The following EPB41 variants were observed in gnomAD, a reference collection of about 807,000 sequenced individuals.
EPB41 encodes erythrocyte membrane protein band 4.1, also known as protein 4.1.
A neutral mutation model predicts 108.0 loss-of-function variants in EPB41; 65 were observed. The ratio of observed to expected loss-of-function variants is 0.60; its 90% CI spans 0.49 to 0.74. The LOEUF (loss-of-function observed/expected upper bound fraction) is 0.74. Among genes scored for constraint, EPB41 ranks in the 30% least tolerant of loss-of-function variants. The pLI, the probability that EPB41 is intolerant of heterozygous loss-of-function variation, is 0.00. For missense variants in EPB41, 875 were observed against 1,037.0 expected (o/e 0.84, Z 2.15); for synonymous variants, 336 against 358.9 (o/e 0.94, Z 0.72).
At chr1:28,945,233 T>G (rs187048453) in intron 1 of EPB41, among the ~76,000 whole-genome samples, 2 of 152,274 alleles carry the variant, frequency 1.3e-5, no homozygotes, top group Non-Finnish European at 2.9e-5. Context: ...TCCAGTGAAG[T>G]CTCTGTTGTT....
intron 1 of EPB41, among the ~76,000 whole-genome samples, chr1:28,930,728 G>A (rs1372916421): frequency 3.3e-5 from 5 of 149,382 alleles, no homozygotes; most frequent in African/African-American, 1.2e-4. Context: ...CAGGTGATCC[G>A]CCCGCCTCAG....
intron 11 of EPB41, among the ~76,000 whole-genome samples, chr1:29,051,564 A>G (rs1335705412): frequency 6.6e-6 from 1 of 152,204 alleles, no homozygotes; most frequent in Non-Finnish European, 1.5e-5. Context: ...AGGAAAGTCT[A>G]TAATAAAAAT....
At chr1:28,971,180 C>CTTTTTTTTTTTTTTTTTTTTTTTTTTTTT (rs1000130058) in intron 1 of EPB41, among the ~76,000 whole-genome samples, 1 of 66,324 alleles carries the variant, frequency 1.5e-5, no homozygotes, top group Non-Finnish European at 2.6e-5. Flanking sequence ...TTCTTTCTTT[C>CTTTTTTTTTTTTTTTTTTTTTTTTTTTTT]TTTTTTTTTT....
intron 1 of EPB41, among the ~76,000 whole-genome samples, chr1:28,969,548 G>C (rs1449760721): frequency 6.6e-6 from 1 of 151,730 alleles, no homozygotes; most frequent in Non-Finnish European, 1.5e-5. Context: ...GGTGGATCAC[G>C]AGGTCAGGAG....
chr1:29,003,368 G>A (rs1189329794), intron 4 of EPB41, among the ~76,000 whole-genome samples: 1 of 152,180 alleles, frequency 6.6e-6, no homozygotes, highest in African/African-American at 2.4e-5. Flanking sequence ...TCCTCTAGTT[G>A]CACAGTCAGT....
chr1:29,113,681 T>C (rs1350312317), intron 19 of EPB41, among the ~76,000 whole-genome samples: 1 of 152,222 alleles, frequency 6.6e-6, no homozygotes. Flanking sequence ...GAGCAACTTA[T>C]ATTACCAACC....
At chr1:29,004,272 TAATG>T (rs1342935536) in intron 4 of EPB41, among the ~76,000 whole-genome samples, 1 of 152,212 alleles carries the variant, frequency 6.6e-6, no homozygotes, top group Non-Finnish European at 1.5e-5. Context: ...TTCTGGTAAA[TAATG>T]AGAATTTTAA....
Position 29,119,139 on chromosome 1 carries a change from A to G in EPB41, c.*2327A>G, listed in dbSNP as rs2151795198. ...CTTCGTTGTCTGTAAATTGGATGAA[A>G]AGAGCTCTAATGCCTTTCAGGCTCT... On this transcript the variant is annotated 3_prime_UTR_variant, in exon 21 of 21. Transcript: ENST00000343067. The G allele has an allele frequency of 6.6e-6, 1 of 152,640 alleles. No individual in the cohort carries two copies. Among genetic ancestry groups the G allele is most frequent in the East Asian group, 1.9e-4 (1 of 5,182 alleles). The allele number at this position is 152,640 out of a possible 1,614,324, so 9.5% of individuals were successfully genotyped here.
chr1:28,957,194 C>T (rs973045834), intron 1 of EPB41, among the ~76,000 whole-genome samples: 7 of 152,188 alleles, frequency 4.6e-5, no homozygotes, highest in African/African-American at 2.4e-5. Context: ...ACCACACTAC[C>T]TAGTAAAATC....
At chr1:29,080,095 AC>A (rs1655849872) in intron 16 of EPB41, among the ~76,000 whole-genome samples, 1 of 113,824 alleles carries the variant, frequency 8.8e-6, no homozygotes, top group Admixed American at 1.0e-4. Flanking sequence ...AGATAAAGCA[AC>A]ATTATTTATT....
chr1:29,074,234 C>T (rs1652871684), intron 16 of EPB41, among the ~76,000 whole-genome samples: 1 of 152,176 alleles, frequency 6.6e-6, no homozygotes, highest in Non-Finnish European at 1.5e-5. Flanking sequence ...ACAGAGTTGC[C>T]TTCCCTTATA....
chr1:29,107,229 A>G (rs953553759), intron 17 of EPB41, among the ~76,000 whole-genome samples: 1 of 152,104 alleles, frequency 6.6e-6, no homozygotes, highest in East Asian at 1.9e-4. Flanking sequence ...TAAATGAGAA[A>G]ACTAAAGCTC....
intron 1 of EPB41, among the ~76,000 whole-genome samples, chr1:28,946,107 C>T (rs2094478542): frequency 6.6e-6 from 1 of 151,544 alleles, no homozygotes; most frequent in South Asian, 2.1e-4. Flanking sequence ...ATAACGTATA[C>T]AATTTTATTC....
chr1:29,100,983 G>A (rs1418297207), intron 17 of EPB41, among the ~76,000 whole-genome samples: 1 of 151,446 alleles, frequency 6.6e-6, no homozygotes, highest in Non-Finnish European at 1.5e-5. Flanking sequence ...CCAATACTTT[G>A]GGAGGCCGTG....
At chr1:28,962,121 C>T (rs913955663) in intron 1 of EPB41, among the ~76,000 whole-genome samples, 4 of 151,118 alleles carry the variant, frequency 2.6e-5, no homozygotes, top group South Asian at 2.1e-4. Flanking sequence ...AGTGCAGTGG[C>T]GCTATCTTGG....
At chr1:29,036,728 G>A (rs1333718718) in intron 10 of EPB41, among the ~76,000 whole-genome samples, 1 of 149,388 alleles carries the variant, frequency 6.7e-6, no homozygotes, top group Non-Finnish European at 1.5e-5. Context: ...CCAGGCTGGA[G>A]TGCAGTGGCG....
intron 7 of EPB41, among the ~76,000 whole-genome samples, chr1:29,019,578 C>T (rs2096617676): frequency 6.6e-6 from 1 of 152,120 alleles, no homozygotes; most frequent in South Asian, 2.1e-4. Flanking sequence ...GAATTAGTAC[C>T]CTAAGTTACG....
chr1:28,962,545 A>C (rs1440602265), intron 1 of EPB41, among the ~76,000 whole-genome samples: 1 of 152,192 alleles, frequency 6.6e-6, no homozygotes, highest in African/African-American at 2.4e-5. Flanking sequence ...CCCCAGCAAG[A>C]AACTCTGTAC....
intron 1 of EPB41, among the ~76,000 whole-genome samples, chr1:28,969,758 G>C (rs1253368981): frequency 6.6e-6 from 1 of 152,076 alleles, no homozygotes; most frequent in Non-Finnish European, 1.5e-5. Flanking sequence ...AAAATTAGCC[G>C]GGCGTGGCGG....
Sources: gnomAD v4.1 joint callset for allele counts (sites outside exome capture counted in the v4.1 genomes callset) on GRCh38, gnomAD v4.1.1 for gene constraint, MANE v1.5 for transcripts, NCBI Gene and HGNC (gene_info 2026-07-23, HGNC 2026-07-21) for gene names.